The following HIKESHI variants were observed in gnomAD, a reference collection of about 807,000 sequenced individuals.
The protein encoded by HIKESHI is protein Hikeshi.
A neutral mutation model predicts 25.7 loss-of-function variants in HIKESHI; 13 were observed. That is an observed-to-expected ratio of 0.51 (90% CI 0.33 to 0.80). The LOEUF (loss-of-function observed/expected upper bound fraction) is 0.80, where lower values mean the gene tolerates loss of function less well. Among genes scored for constraint, HIKESHI ranks in the 30% least tolerant of loss-of-function variants. The pLI, the probability that HIKESHI is intolerant of heterozygous loss-of-function variation, is 0.02. For missense variants in HIKESHI, 174 were observed against 229.5 expected (o/e 0.76, Z 1.56); for synonymous variants, 76 against 78.7 (o/e 0.97, Z 0.18).
intron 3 of HIKESHI, chr11:86,344,275 G>A (rs993525888): frequency 9.7e-6 from 2 of 206,968 alleles, no homozygotes; most frequent in Non-Finnish European, 1.9e-5. Context: ...AAAGTGAGTA[G>A]CATATTTCAC....
At position 86,328,170 on chromosome 11, in the gene HIKESHI, A is replaced by T. The variant is rs116043994; in HGVS notation, c.269-9209A>T. Reference sequence around the variant, plus strand: ...TTCCTGAAATAGAGCAGGGATTAGGATCTAGATACTCAGATTTTTCATTTA... The same window carrying T: ...TTCCTGAAATAGAGCAGGGATTAGGTTCTAGATACTCAGATTTTTCATTTA... On this transcript the variant is annotated intron_variant, in intron 2 of 4. Transcript: ENST00000278483. 1.8e-3 allele frequency among the ~76,000 whole-genome samples: 276 copies of T among 152,306 alleles called. 1 individual carries two copies. The highest frequency in any genetic ancestry group is 6.5e-3 in the African/African-American group (271 of 41,582).
intron 1 of HIKESHI, chr11:86,303,297 C>T: frequency 3.7e-6 from 2 of 537,094 alleles, no homozygotes; most frequent in Non-Finnish European, 4.8e-6. Flanking sequence ...AGTCCCTTTG[C>T]TGAATTGTCT....
chr11:86,316,416 G>T lies in HIKESHI; in HGVS notation c.268+9934G>T, dbSNP rs1946979436. ...AATCCCAGCTACTTGGCAGTCTGAG[G>T]CAGGAGAACCGCTTGAACTCGGGAG... On this transcript the variant is annotated intron_variant, in intron 2 of 4. Coordinates refer to ENST00000278483, the MANE Select transcript of HIKESHI (RefSeq NM_016401.4). Among the ~76,000 whole-genome samples, 3 of 152,108 alleles carry T rather than the reference G, an allele frequency of 2.0e-5. No homozygotes were observed. The South Asian group carries it at 6.2e-4, about 32-fold the overall frequency.
chr11:86,302,798 A>G (rs1946530339), intron 1 of HIKESHI, among the ~76,000 whole-genome samples: 2 of 152,232 alleles, frequency 1.3e-5, no homozygotes, highest in African/African-American at 4.8e-5. Context: ...CTTAATCCTC[A>G]TAACTCGTGA....
chr11:86,311,514 C>T (rs1946833877), intron 2 of HIKESHI, among the ~76,000 whole-genome samples: 1 of 152,136 alleles, frequency 6.6e-6, no homozygotes, highest in Admixed American at 6.5e-5. Flanking sequence ...AAACCAGCTC[C>T]TGGATTCATT....
intron 2 of HIKESHI, among the ~76,000 whole-genome samples, chr11:86,325,369 T>C (rs1479169225): frequency 6.6e-6 from 1 of 152,128 alleles, no homozygotes; most frequent in Non-Finnish European, 1.5e-5. Flanking sequence ...TTTGTTTTGC[T>C]TGAGGGATGA....
chr11:86,332,156 G>A (rs1280794016), intron 2 of HIKESHI, among the ~76,000 whole-genome samples: 8 of 151,882 alleles, frequency 5.3e-5, no homozygotes, highest in Non-Finnish European at 1.5e-5. Flanking sequence ...AGTAGAGACG[G>A]GGTTTCACAG....
At chr11:86,330,746 G>A (rs1324763429) in intron 2 of HIKESHI, among the ~76,000 whole-genome samples, 1 of 152,134 alleles carries the variant, frequency 6.6e-6, no homozygotes, top group Non-Finnish European at 1.5e-5. Context: ...TATTTGTACT[G>A]TCAGTACTTT....
At chr11:86,306,830 C>A (rs573249180) in intron 2 of HIKESHI, among the ~76,000 whole-genome samples, 1 of 151,018 alleles carries the variant, frequency 6.6e-6, no homozygotes, top group Non-Finnish European at 1.5e-5. Flanking sequence ...AACCCTGTCT[C>A]CACTAAAAAA....
At chr11:86,308,069 T>C (rs1211784418) in intron 2 of HIKESHI, among the ~76,000 whole-genome samples, 1 of 125,942 alleles carries the variant, frequency 7.9e-6, no homozygotes, top group Non-Finnish European at 1.5e-5. Context: ...ATATAATATG[T>C]ATATTACGTA....
Position 86,302,348 on chromosome 11 carries a change from C to G in HIKESHI, c.-101C>G, listed in dbSNP as rs1946516600. On this transcript the variant is annotated 5_prime_UTR_variant, in exon 1 of 5. Transcript: ENST00000278483. ...TGTAGTGGAGGGGCAGACACCCTCC[C>G]GCAAATTCTGGAAGGTTCTTAGTCT... 2 of 1,463,486 alleles carry G rather than the reference C, an allele frequency of 1.4e-6. No homozygotes were observed. Among genetic ancestry groups the G allele is most frequent in the Non-Finnish European group, 1.9e-6 (2 of 1,073,560 alleles). The allele number at this position is 1,463,486 out of a possible 1,614,324, so 90.7% of individuals were successfully genotyped here.
At chr11:86,317,328 C>G (rs1375182609) in intron 2 of HIKESHI, among the ~76,000 whole-genome samples, 1 of 151,510 alleles carries the variant, frequency 6.6e-6, no homozygotes, top group African/African-American at 2.4e-5. Context: ...GTCTCAAAAA[C>G]AGAAACAAAA....
rs1279600721 is a variant in HIKESHI at position 86,345,735 on chromosome 11, T to C, written c.*97T>C. ...TATGAGGTCAAAGGATCACGAAACC[T>C]AAGTTTAAAAACTGCTTAGAGACTG... On this transcript the variant is annotated 3_prime_UTR_variant, in exon 5 of 5. Coordinates refer to ENST00000278483, the MANE Select transcript of HIKESHI (RefSeq NM_016401.4). The C allele has an allele frequency of 3.2e-6, 2 of 622,388 alleles. No individual in the cohort carries two copies. The highest frequency in any genetic ancestry group is 6.2e-5 in the East Asian group (2 of 32,270). 38.6% of individuals were successfully genotyped at this position (622,388 alleles called of 1,614,324 possible).
intron 2 of HIKESHI, among the ~76,000 whole-genome samples, chr11:86,317,199 A>G (rs1016443291): frequency 4.6e-5 from 7 of 152,158 alleles, no homozygotes; most frequent in Non-Finnish European, 7.3e-5. Context: ...TATCAAGGAT[A>G]AAGAGATTCA....
At position 86,306,262 on chromosome 11, in the gene HIKESHI, G is replaced by A. The variant is rs770467937; in HGVS notation, c.48G>A (p.Gln16=). Residue 16 remains glutamine, a synonymous_variant, in exon 2 of 5, where the codon CAG becomes CAA. Transcript: ENST00000278483. ...VAGRLVQTAA[Q]QVAEDKFVFD... is the part of the protein sequence containing the mutation. Reference sequence around the variant, plus strand: ...TTTTCTAGGTGCAAACAGCTGCACAGCAAGTGGCAGAGGATAAATTTGTTT... The same window carrying A: ...TTTTCTAGGTGCAAACAGCTGCACAACAAGTGGCAGAGGATAAATTTGTTT... The A allele has an allele frequency of 5.0e-6, 8 of 1,612,840 alleles. No homozygotes were observed. In the East Asian group the frequency reaches 1.8e-4, roughly 36 times the overall value.
chr11:86,329,623 A>G (rs1410234804), intron 2 of HIKESHI, among the ~76,000 whole-genome samples: 2 of 151,636 alleles, frequency 1.3e-5, no homozygotes, highest in East Asian at 3.9e-4. Context: ...AGGCCTTCAA[A>G]CACCATTTTG....
chr11:86,341,846 TTG>T (rs1248492912), intron 3 of HIKESHI, among the ~76,000 whole-genome samples: 3 of 152,208 alleles, frequency 2.0e-5, no homozygotes, highest in Non-Finnish European at 2.9e-5. Flanking sequence ...ATTTGTTCTT[TTG>T]TGTGTTTTAA....
chr11:86,337,637 T>TA (rs1947606634), intron 3 of HIKESHI, 107 bp downstream of exon 3: 8 of 1,168,710 alleles, frequency 6.8e-6, no homozygotes, highest in Non-Finnish European at 9.4e-6. Flanking sequence ...ATGTTTTTGA[T>TA]ACATGTTTAC....
chr11:86,324,740 T>C (rs1390377108), intron 2 of HIKESHI, among the ~76,000 whole-genome samples: 3 of 152,220 alleles, frequency 2.0e-5, no homozygotes, highest in African/African-American at 7.2e-5. Flanking sequence ...AAAACCTTGC[T>C]AACTAGCACA....
Sources: gnomAD v4.1 joint callset for allele counts (sites outside exome capture counted in the v4.1 genomes callset) on GRCh38, gnomAD v4.1.1 for gene constraint, MANE v1.5 for transcripts, NCBI Gene and HGNC (gene_info 2026-07-23, HGNC 2026-07-21) for gene names.